HIP1: variants seen among roughly 807,000 people sequenced by gnomAD.
HIP1 encodes huntingtin interacting protein 1.
Under a neutral mutation model 147.6 loss-of-function variants are expected in HIP1, and 65 were observed. The ratio of observed to expected loss-of-function variants is 0.44; its 90% CI spans 0.36 to 0.54. The LOEUF (loss-of-function observed/expected upper bound fraction) is 0.54. HIP1 is among the 20% of genes least tolerant of loss of function. The probability of loss-of-function intolerance (pLI) is 0.00; values close to 1 mark genes in which losing one functional copy is unlikely to be tolerated. For synonymous variants in HIP1, 479 were observed against 504.0 expected (o/e 0.95, Z 0.67); for missense variants, 1,061 against 1,299.6 (o/e 0.82, Z 2.82).
At chr7:75,726,347 G>A (rs939332603) in intron 1 of HIP1, among the ~76,000 whole-genome samples, 3 of 150,604 alleles carry the variant, frequency 2.0e-5, no homozygotes, top group African/African-American at 2.4e-5. Context: ...GCAATGGTTC[G>A]GTCTTGGCTC....
At chr7:75,666,430 A>G in intron 1 of HIP1, among the ~76,000 whole-genome samples, 1 of 152,188 alleles carries the variant, frequency 6.6e-6, no homozygotes, top group Non-Finnish European at 1.5e-5. Context: ...TCGGCCTCCC[A>G]AAGTGCTGGG....
At chr7:75,681,176 G>T (rs1048232730) in intron 1 of HIP1, among the ~76,000 whole-genome samples, 1 of 152,074 alleles carries the variant, frequency 6.6e-6, no homozygotes, top group Non-Finnish European at 1.5e-5. Context: ...GCCTTTCAAA[G>T]TGCTGGGATT....
chr7:75,538,772 C>T (rs1473115585), intron 30 of HIP1, among the ~76,000 whole-genome samples: 3 of 152,042 alleles, frequency 2.0e-5, no homozygotes, highest in Non-Finnish European at 4.4e-5. Context: ...GACGGGGTTT[C>T]ACCGTGTTAG....
intron 1 of HIP1, among the ~76,000 whole-genome samples, chr7:75,673,032 T>C (rs1357126579): frequency 6.6e-6 from 1 of 151,660 alleles, no homozygotes; most frequent in Admixed American, 6.6e-5. Context: ...ACTTTTTTTT[T>C]TTTTTTTGAG....
At chr7:75,686,843 C>CTTTTTTTT (rs55942242) in intron 1 of HIP1, among the ~76,000 whole-genome samples, 5 of 80,138 alleles carry the variant, frequency 6.2e-5, no homozygotes, top group African/African-American at 1.0e-4. Context: ...TATTTTAGTT[C>CTTTTTTTT]TTTTTTTTTT....
chr7:75,641,379 TC>T (rs1798648008), intron 1 of HIP1, among the ~76,000 whole-genome samples: 1 of 152,126 alleles, frequency 6.6e-6, no homozygotes, highest in Non-Finnish European at 1.5e-5. Flanking sequence ...TGTCTCAGCC[TC>T]CCAAAGTGCT....
chr7:75,619,974 C>T (rs1797791899), intron 1 of HIP1, among the ~76,000 whole-genome samples: 1 of 152,168 alleles, frequency 6.6e-6, no homozygotes, highest in South Asian at 2.1e-4. Context: ...TTAGGGGCCA[C>T]CCAGATCTCT....
Position 75,538,025 on chromosome 7 carries a change from G to GA in HIP1, c.*146dup. 1.4e-6 allele frequency: 1 copy of GA among 722,280 alleles called. No homozygotes were observed. Among genetic ancestry groups the GA allele is most frequent in the Non-Finnish European group, 2.6e-6 (1 of 391,462 alleles). 44.7% of individuals were successfully genotyped at this position (722,280 alleles called of 1,614,324 possible). ...GGTGTCGCTATGGAGGGAGTCTTTG[G>GA]AAGTGTCATGCATGTCCTCGGCACT... On this transcript the variant is annotated 3_prime_UTR_variant, in exon 31 of 31. Coordinates refer to ENST00000336926, the MANE Select transcript of HIP1 (RefSeq NM_005338.7).
At chr7:75,734,975 C>T (rs529015290) in intron 1 of HIP1, among the ~76,000 whole-genome samples, 1 of 152,260 alleles carries the variant, frequency 6.6e-6, no homozygotes, top group African/African-American at 2.4e-5. Context: ...GAGTTAATCA[C>T]AGCCTGCTTG....
intron 17 of HIP1, 42 bp downstream of exon 17, chr7:75,556,668 A>C: frequency 7.9e-7 from 1 of 1,260,012 alleles, no homozygotes; most frequent in Non-Finnish European, 1.2e-6. Context: ...CCTGAGTGAC[A>C]GAAGAAGACT....
chr7:75,649,134 C>T (rs1370345191), intron 1 of HIP1, among the ~76,000 whole-genome samples: 7 of 152,120 alleles, frequency 4.6e-5, no homozygotes, highest in African/African-American at 1.7e-4. Flanking sequence ...AAGCAATTCT[C>T]CTGCCTCATC....
chr7:75,580,138 T>C (rs1270714129), intron 7 of HIP1, among the ~76,000 whole-genome samples: 2 of 152,226 alleles, frequency 1.3e-5, no homozygotes, highest in Admixed American at 1.3e-4. Context: ...GCTTCTCATG[T>C]GGACTTGGGT....
Position 75,592,489 on chromosome 7 carries a change from C to T in HIP1, c.210G>A (p.Glu70=), listed in dbSNP as rs1325210191. 11 of 1,610,704 alleles carry T rather than the reference C, an allele frequency of 6.8e-6. No individual in the cohort carries two copies. The highest frequency in any genetic ancestry group is 9.3e-6 in the Non-Finnish European group (11 of 1,179,330). The stretch of plus-strand genomic sequence containing the variant: ...CAGACCAGAAGGTCTGTGCCCCTTT[C>T]TCATGGTGGGTGCCCAGTATGCACG... ...ARTCILGTHH[E]KGAQTFWSVV... Residue 70 remains glutamate (E), a synonymous_variant, in exon 3 of 31, where the codon GAG becomes GAA. Transcript: ENST00000336926.
chr7:75,599,087 C>T, intron 2 of HIP1, 97 bp downstream of exon 2: 1 of 902,730 alleles, frequency 1.1e-6, no homozygotes, highest in Non-Finnish European at 1.8e-6. Flanking sequence ...AGGGTTGCCC[C>T]TTCCTGGAGC....
At chr7:75,638,692 AG>A (rs1215137300) in intron 1 of HIP1, among the ~76,000 whole-genome samples, 5 of 152,134 alleles carry the variant, frequency 3.3e-5, no homozygotes, top group African/African-American at 1.2e-4. Flanking sequence ...GTGTGCGGGC[AG>A]GGGGCTCCGG....
At position 75,537,839 on chromosome 7, in the gene HIP1, A is replaced by G. The variant is rs41533346; in HGVS notation, c.*333T>C. On this transcript the variant is annotated 3_prime_UTR_variant, in exon 31 of 31. Transcript: ENST00000336926. Reference sequence around the variant, plus strand: ...AGGATACCCATTGTTGTGGGGGTCAAATAGTCAGCAGGACTGGATGTTGGT... The same window carrying G: ...AGGATACCCATTGTTGTGGGGGTCAGATAGTCAGCAGGACTGGATGTTGGT... 16,086 of 351,616 alleles carry G rather than the reference A, an allele frequency of 0.046. 460 individuals carry two copies. The highest frequency in any genetic ancestry group is 0.06 in the Non-Finnish European group (11,510 of 190,526). 21.8% of individuals were successfully genotyped at this position (351,616 alleles called of 1,614,324 possible).
At chr7:75,661,824 T>C (rs1242605449) in intron 1 of HIP1, among the ~76,000 whole-genome samples, 2 of 149,484 alleles carry the variant, frequency 1.3e-5, no homozygotes, top group African/African-American at 4.9e-5. Flanking sequence ...CAGTGGGAGG[T>C]GGTGAGAGGG....
chr7:75,634,941 G>GA (rs58461422), intron 1 of HIP1, among the ~76,000 whole-genome samples: 1,994 of 61,694 alleles, frequency 0.032, 7 homozygotes, highest in East Asian at 0.041. Flanking sequence ...CACTATCTCT[G>GA]AAAAAAAAAA....
chr7:75,635,083 G>A (rs1798378714), intron 1 of HIP1, among the ~76,000 whole-genome samples: 1 of 151,742 alleles, frequency 6.6e-6, no homozygotes. Context: ...TTACAGTACT[G>A]TGTACTCTGT....
Sources: allele counts gnomAD v4.1 joint callset (sites outside exome capture counted in the v4.1 genomes callset), GRCh38; gene constraint gnomAD v4.1.1; transcripts MANE v1.5; gene names NCBI Gene and HGNC (gene_info 2026-07-23, HGNC 2026-07-21).